BRAP: variants seen among roughly 807,000 people sequenced by gnomAD.
The protein encoded by BRAP is BRCA1-associated protein.
Under a neutral mutation model 73.4 loss-of-function variants are expected in BRAP, and 42 were observed. The observed-to-expected ratio is 0.57, with a 90% CI of 0.45 to 0.74. The LOEUF (loss-of-function observed/expected upper bound fraction) is 0.74. Ranked by LOEUF, BRAP falls within the 30% of genes least tolerant of loss-of-function variation. The pLI is 0.00. For synonymous variants in BRAP, 255 were observed against 267.4 expected, an observed-to-expected ratio of 0.95 and a Z score of 0.45; for missense variants, 593 against 751.4, an observed-to-expected ratio of 0.79 and a Z score of 2.46.
Position 111,658,813 on chromosome 12 carries a change from T to C in BRAP, c.1144A>G (p.Thr382Ala), listed in dbSNP as rs1187447206. Residue 382 changes from threonine to alanine, a missense_variant, in exon 9 of 12, where the codon ACA (threonine) becomes GCA (alanine). By Grantham distance (58) the Thr-to-Ala change is moderately conservative. Transcript: ENST00000419234. ...NYVHRLVASK[T>A]DGKIVQYECE... Reference sequence around the variant, plus strand: ...TCATACTGTACTATTTTTCCATCTGTTTTACTTGCAACCAGTCGATGAACA... The same window carrying C: ...TCATACTGTACTATTTTTCCATCTGCTTTACTTGCAACCAGTCGATGAACA... 3 of 1,612,432 alleles carry C rather than the reference T, an allele frequency of 1.9e-6. No homozygotes were observed. The highest frequency in any genetic ancestry group is 2.5e-6 in the Non-Finnish European group (3 of 1,178,788).
At chr12:111,648,223 G>A (rs1221885020) in intron 11 of BRAP, among the ~76,000 whole-genome samples, 2 of 150,016 alleles carry the variant, frequency 1.3e-5, no homozygotes, top group African/African-American at 2.5e-5. Context: ...ACTTGAATCC[G>A]GGAGGCGGAG....
At chr12:111,655,152 C>T (rs1320069351) in intron 10 of BRAP, among the ~76,000 whole-genome samples, 2 of 152,098 alleles carry the variant, frequency 1.3e-5, no homozygotes, top group African/African-American at 4.8e-5. Flanking sequence ...GCCAGTATCT[C>T]TGCCCAATTT....
chr12:111,660,032 C>T (rs959224716), intron 7 of BRAP, among the ~76,000 whole-genome samples: 2 of 151,482 alleles, frequency 1.3e-5, no homozygotes, highest in African/African-American at 4.9e-5. Flanking sequence ...TATGATCATG[C>T]CACTGCACTC....
At chr12:111,668,270 G>C (rs1423363090) in intron 5 of BRAP, among the ~76,000 whole-genome samples, 1 of 152,100 alleles carries the variant, frequency 6.6e-6, no homozygotes, top group Non-Finnish European at 1.5e-5. Context: ...TCACAAGTTA[G>C]TAATTTAAAT....
intron 5 of BRAP, chr12:111,670,483 G>C (rs1451435993): frequency 4.4e-6 from 1 of 226,766 alleles, no homozygotes; most frequent in Non-Finnish European, 8.8e-6. Flanking sequence ...AGACCTTCAG[G>C]TCTACTTAAT....
At chr12:111,654,123 C>T (rs542873295) in intron 10 of BRAP, among the ~76,000 whole-genome samples, 47 of 152,260 alleles carry the variant, frequency 3.1e-4, no homozygotes, top group African/African-American at 1.1e-3. Context: ...TCACAGTACG[C>T]GGCAGCGACC....
In BRAP at chr12:111,643,664, G is replaced by C. The variant is rs574814926; in HGVS notation, c.*535C>G. On this transcript the variant is annotated 3_prime_UTR_variant, in exon 12 of 12. Coordinates refer to ENST00000419234, the MANE Select transcript of BRAP (RefSeq NM_006768.5). ...AGGCCTCTTTTCAGATAACATTCAA[G>C]CAATTCTTCCACTCCCCAGAGGAAG... 1 of 152,482 alleles carries C rather than the reference G, an allele frequency of 6.6e-6. No homozygotes were observed. Among genetic ancestry groups the C allele is most frequent in the African/African-American group, 2.4e-5 (1 of 41,500 alleles). 9.4% of individuals were successfully genotyped at this position (152,482 alleles called of 1,614,324 possible). A position where few individuals can be genotyped will look rare whatever the true frequency, so the allele number is the denominator to read the frequency against.
Position 111,658,763 on chromosome 12 carries a change from T to C in BRAP, c.1194A>G (p.Glu398=). The change falls in exon 9 of 12, where the codon GAA becomes GAG. Residue 398 remains glutamate, a synonymous_variant. Transcript: ENST00000419234. ...QYECEGDTCQ[E]EKIDALQLEY... ...CTAACTGTAAGGCATCTATTTTCTCTTCCTGGCAAGTATCCCCCTCACATT... is the reference window on the plus strand; with the variant it reads ...CTAACTGTAAGGCATCTATTTTCTCCTCCTGGCAAGTATCCCCCTCACATT... 6.2e-7 allele frequency: 1 copy of C among 1,609,748 alleles called. No homozygotes were observed. Among genetic ancestry groups the C allele is most frequent in the Non-Finnish European group, 8.5e-7 (1 of 1,176,176 alleles).
chr12:111,683,110 A>G (rs1245417634), intron 2 of BRAP, 36 bp downstream of exon 2: 1 of 1,591,558 alleles, frequency 6.3e-7, no homozygotes, highest in Non-Finnish European at 8.5e-7. Flanking sequence ...CAGTGTTCAC[A>G]TTACAAAAGA....
At chr12:111,675,048 C>G (rs1011949249) in intron 4 of BRAP, among the ~76,000 whole-genome samples, 1 of 152,066 alleles carries the variant, frequency 6.6e-6, no homozygotes, top group Non-Finnish European at 1.5e-5. Context: ...GCTACCTGAG[C>G]CCAGGAGTTT....
At chr12:111,653,376 C>T (rs1419744060) in intron 10 of BRAP, among the ~76,000 whole-genome samples, 2 of 152,046 alleles carry the variant, frequency 1.3e-5, no homozygotes, top group African/African-American at 4.8e-5. Context: ...TTTTACAATC[C>T]ACAGCTGGAA....
At chr12:111,675,371 ACT>A (rs1887341877) in intron 4 of BRAP, among the ~76,000 whole-genome samples, 1 of 151,676 alleles carries the variant, frequency 6.6e-6, no homozygotes, top group South Asian at 2.1e-4. Context: ...AAGAAAAAGT[ACT>A]TTTTTGTAAT....
chr12:111,647,593 G>T (rs1378896811), intron 11 of BRAP, among the ~76,000 whole-genome samples: 1 of 152,034 alleles, frequency 6.6e-6, no homozygotes, highest in Non-Finnish European at 1.5e-5. Flanking sequence ...GCCTGTAATG[G>T]TAAAACAGTC....
intron 10 of BRAP, 58 bp downstream of exon 10, chr12:111,655,508 C>T: frequency 1.5e-6 from 2 of 1,370,216 alleles, no homozygotes; most frequent in South Asian, 1.2e-5. Flanking sequence ...TCCACACCCC[C>T]CATCAGAGTG....
In BRAP at chr12:111,660,589, C is replaced by T. The variant is rs374354011; in HGVS notation, c.972+11G>A. The T allele has an allele frequency of 1.0e-5, 16 of 1,595,954 alleles. No individual in the cohort carries two copies. The highest frequency in any genetic ancestry group is 4.0e-5 in the African/African-American group (3 of 74,428). On this transcript the variant is annotated intron_variant, in intron 7 of 11. Transcript: ENST00000419234. ...TGCATTCTTTGTTCTTTTCCATCAC[C>T]CATTACTTACTTCCTGAACACCACA...
At chr12:111,646,799 T>C (rs900291226) in intron 11 of BRAP, among the ~76,000 whole-genome samples, 6 of 152,008 alleles carry the variant, frequency 3.9e-5, no homozygotes, top group Non-Finnish European at 8.8e-5. Flanking sequence ...AAACAAAAAA[T>C]TTGCATGCCC....
chr12:111,644,883 A>G lies in BRAP; in HGVS notation c.1416-321T>C, dbSNP rs188577127. 2.9e-3 allele frequency among the ~76,000 whole-genome samples: 446 copies of G among 151,712 alleles called. 1 individual carries two copies. Among genetic ancestry groups the G allele is most frequent in the African/African-American group, 0.01 (416 of 41,328 alleles). The stretch of plus-strand genomic sequence containing the variant: ...GCGATTCTCCTGCCTCAGCCTCCCA[A>G]GTAGCTGGGATTACAGGCACCTGCC... On this transcript the variant is annotated intron_variant, in intron 11 of 11. Transcript: ENST00000419234.
Position 111,658,880 on chromosome 12 carries a change from G to T in BRAP, c.1112-35C>A. The T allele has an allele frequency of 5.3e-6, 8 of 1,515,374 alleles. 1 individual carries two copies. Among genetic ancestry groups the T allele is most frequent in the Non-Finnish European group, 7.3e-6 (8 of 1,097,308 alleles). The allele number at this position is 1,515,374 out of a possible 1,614,324, so 93.9% of individuals were successfully genotyped here. ...GAGTCAACAAAAGTGTGTTTCTTTA[G>T]AATGAAAAGGGTCTCTGTACACTTT... On this transcript the variant is annotated intron_variant, in intron 8 of 11. Coordinates refer to ENST00000419234, the MANE Select transcript of BRAP (RefSeq NM_006768.5).
intron 5 of BRAP, chr12:111,670,019 C>T (rs1284011201): frequency 4.7e-6 from 3 of 638,916 alleles, no homozygotes; most frequent in Non-Finnish European, 9.0e-6. Flanking sequence ...TGGAGATTTC[C>T]TCTGGTTCAC....
Sources: allele counts gnomAD v4.1 joint callset (sites outside exome capture counted in the v4.1 genomes callset), GRCh38; gene constraint gnomAD v4.1.1; transcripts MANE v1.5; gene names NCBI Gene and HGNC (gene_info 2026-07-23, HGNC 2026-07-21).